KCNK12: variants seen among roughly 807,000 people sequenced by gnomAD.
The protein encoded by KCNK12 is potassium two pore domain channel subfamily K member 12.
Under a neutral mutation model 25.3 loss-of-function variants are expected in KCNK12, and 6 were observed. The observed-to-expected ratio is 0.24, with a 90% confidence interval of 0.13 to 0.47. The LOEUF is 0.47. KCNK12 is among the 20% of genes least tolerant of loss of function. The pLI is 0.99. For synonymous variants in KCNK12, 331 were observed against 311.1 expected, an observed-to-expected ratio of 1.06 and a Z score of -0.67; for missense variants, 444 against 661.7, an observed-to-expected ratio of 0.67 and a Z score of 3.61.
Position 47,534,784 on chromosome 2 carries a change from C to T in KCNK12, c.392-12976G>A, listed in dbSNP as rs539493796. ...CCTCTCAGAAGGGAGACAGACCAGC[C>T]AGGCGTGAGGTGACAGACCAGCGGG... is the stretch of plus-strand genomic sequence containing the variant. On this transcript the variant is annotated intron_variant, in intron 1 of 1. Coordinates refer to ENST00000327876, the MANE Select transcript of KCNK12 (RefSeq NM_022055.2). 299 of 178,466 alleles carry T rather than the reference C, an allele frequency of 1.7e-3. No individual in the cohort carries two copies. In the Middle Eastern group the frequency reaches 0.031, roughly 19 times the overall value. The allele number at this position is 178,466 out of a possible 1,614,324, so 11.1% of individuals were successfully genotyped here.
intron 1 of KCNK12, chr2:47,535,231 C>T: frequency 4.3e-6 from 1 of 233,128 alleles, no homozygotes; most frequent in Non-Finnish European, 8.5e-6. Context: ...CAGCTGCAGC[C>T]AGGGAGGTGC....
At position 47,519,970 on chromosome 2, in the gene KCNK12, T is replaced by G. The variant is rs1396795429; in HGVS notation, c.*937A>C. Reference sequence around the variant, plus strand: ...TCTCTTAAAGGGGGAAAAGTTGAACTGATCAACAGTAGTTAAGAAAAAAAA... The same window carrying G: ...TCTCTTAAAGGGGGAAAAGTTGAACGGATCAACAGTAGTTAAGAAAAAAAA... On this transcript the variant is annotated 3_prime_UTR_variant, in exon 2 of 2. Transcript: ENST00000327876. The G allele has an allele frequency of 6.6e-6, 1 of 152,128 alleles. No homozygotes were observed. Among genetic ancestry groups the G allele is most frequent in the Non-Finnish European group, 1.5e-5 (1 of 68,018 alleles). The allele number at this position is 152,128 out of a possible 1,614,324, so 9.4% of individuals were successfully genotyped here. A position where few individuals can be genotyped will look rare whatever the true frequency, so the allele number is the denominator to read the frequency against.
rs1470895150 is a variant in KCNK12, at chr2:47,517,479, T to C, written c.*3428A>G. The C allele has an allele frequency of 6.6e-6, 1 of 152,166 alleles. No homozygotes were observed. Among genetic ancestry groups the C allele is most frequent in the Non-Finnish European group, 1.5e-5 (1 of 68,038 alleles). 9.4% of individuals were successfully genotyped at this position (152,166 alleles called of 1,614,324 possible). A position where few individuals can be genotyped will look rare whatever the true frequency, so the allele number is the denominator to read the frequency against. Reference sequence around the variant, plus strand: ...GATTTTCCAGGCCCTGGTACATCTCTAGAGAGTTAAAAATGGGAAATCTTT... The same window carrying C: ...GATTTTCCAGGCCCTGGTACATCTCCAGAGAGTTAAAAATGGGAAATCTTT... On this transcript the variant is annotated 3_prime_UTR_variant, in exon 2 of 2. Coordinates refer to ENST00000327876, the MANE Select transcript of KCNK12 (RefSeq NM_022055.2). The surrounding 1 kb of genome is among the most constrained non-coding windows in gnomAD (Gnocchi z 4.1).
Position 47,547,346 on chromosome 2 carries a change from C to T in KCNK12, c.391+22595G>A, listed in dbSNP as rs1443315913. Among the ~76,000 whole-genome samples, 1 of 152,202 alleles carries T rather than the reference C, an allele frequency of 6.6e-6. No homozygotes were observed. Among genetic ancestry groups the T allele is most frequent in the Non-Finnish European group, 1.5e-5 (1 of 68,028 alleles). Reference sequence around the variant, plus strand: ...GCCCCCACTTCCAGAGAGAATGATACAGTTGGTTAGGGCACAACCTGGGCA... The same window carrying T: ...GCCCCCACTTCCAGAGAGAATGATATAGTTGGTTAGGGCACAACCTGGGCA... On this transcript the variant is annotated intron_variant, in intron 1 of 1. Coordinates refer to ENST00000327876, the MANE Select transcript of KCNK12 (RefSeq NM_022055.2). This position sits in a 1 kb window ranked among gnomAD's most constrained non-coding sequence, Gnocchi z 5.0.
In KCNK12 at chr2:47,529,501, G is replaced by T. The variant is rs1281496060; in HGVS notation, c.392-7693C>A. 2.0e-5 allele frequency among the ~76,000 whole-genome samples: 3 copies of T among 152,148 alleles called. No individual in the cohort carries two copies. ...AAATTTCCATTGACCTAAAATTTTT[G>T]TGGTGGGCACTGCAGCTCTCTCCTT... On this transcript the variant is annotated intron_variant, in intron 1 of 1. Coordinates refer to ENST00000327876, the MANE Select transcript of KCNK12 (RefSeq NM_022055.2). This position sits in a 1 kb window ranked among gnomAD's most constrained non-coding sequence, Gnocchi z 4.3.
At chr2:47,532,404 C>G (rs1558552009) in intron 1 of KCNK12, among the ~76,000 whole-genome samples, 1 of 152,026 alleles carries the variant, frequency 6.6e-6, no homozygotes, top group Non-Finnish European at 1.5e-5. Context: ...CTCTGTCACC[C>G]AGGCTGGAGT....
chr2:47,538,313 T>C lies in KCNK12; in HGVS notation c.392-16505A>G, dbSNP rs1488089192. Among the ~76,000 whole-genome samples the C allele has an allele frequency of 6.6e-6, 1 of 150,782 alleles. No homozygotes were observed. The highest frequency in any genetic ancestry group is 2.4e-5 in the African/African-American group (1 of 40,910). On this transcript the variant is annotated intron_variant, in intron 1 of 1. Coordinates refer to ENST00000327876, the MANE Select transcript of KCNK12 (RefSeq NM_022055.2). This position sits in a 1 kb window ranked among gnomAD's most constrained non-coding sequence, Gnocchi z 4.5. Reference sequence around the variant, plus strand: ...TAGAGCAGGCTAAGAGGGTGAGGAGTGTGCGGGCAGGGAGGAGGCAGGTCA... The same window carrying C: ...TAGAGCAGGCTAAGAGGGTGAGGAGCGTGCGGGCAGGGAGGAGGCAGGTCA...
At chr2:47,546,735 C>G (rs1302462716) in intron 1 of KCNK12, among the ~76,000 whole-genome samples, 4 of 152,140 alleles carry the variant, frequency 2.6e-5, no homozygotes, top group Non-Finnish European at 5.9e-5. Context: ...CTCTTAAGAT[C>G]CTATTTAAAT....
Position 47,520,279 on chromosome 2 carries a change from C to A in KCNK12, c.*628G>T, listed in dbSNP as rs974593521. 1 of 152,324 alleles carries A rather than the reference C, an allele frequency of 6.6e-6. No homozygotes were observed. Among genetic ancestry groups the A allele is most frequent in the Non-Finnish European group, 1.5e-5 (1 of 68,150 alleles). 9.4% of individuals were successfully genotyped at this position (152,324 alleles called of 1,614,324 possible). ...TGAGCTGAGAAAGGCCAGCTAAGCC[C>A]CTCACCACTGCAATTTCCAAATCTG... On this transcript the variant is annotated 3_prime_UTR_variant, in exon 2 of 2. Coordinates refer to ENST00000327876, the MANE Select transcript of KCNK12 (RefSeq NM_022055.2). The surrounding 1 kb of genome is among the most constrained non-coding windows in gnomAD (Gnocchi z 5.0).
intron 1 of KCNK12, among the ~76,000 whole-genome samples, chr2:47,532,001 C>T (rs1319342518): frequency 2.0e-5 from 3 of 150,936 alleles, no homozygotes; most frequent in Admixed American, 2.0e-4. Flanking sequence ...GAGCTGAGAT[C>T]ATGTCACTGC....
chr2:47,530,147 G>A (rs991278048), intron 1 of KCNK12, among the ~76,000 whole-genome samples: 2 of 152,142 alleles, frequency 1.3e-5, no homozygotes, highest in Non-Finnish European at 2.9e-5. Context: ...CCAGGCCAGC[G>A]GCCAGGCCTC....
At chr2:47,523,790 A>G (rs778002376) in intron 1 of KCNK12, among the ~76,000 whole-genome samples, 51 of 152,354 alleles carry the variant, frequency 3.3e-4, no homozygotes, top group Admixed American at 5.9e-4. Flanking sequence ...GATACTGTTC[A>G]GCAAGTCTGG....
rs145801351 is a variant in KCNK12 at position 47,565,596 on chromosome 2, G to T, written c.391+4345C>A. 3.9e-5 allele frequency: 6 copies of T among 152,318 alleles called. No individual in the cohort carries two copies. The highest frequency in any genetic ancestry group is 1.4e-4 in the African/African-American group (6 of 41,578). The allele number at this position is 152,318 out of a possible 1,614,324, so 9.4% of individuals were successfully genotyped here. A position where few individuals can be genotyped will look rare whatever the true frequency, so the allele number is the denominator to read the frequency against. ...AAAATATTTCTGTTTATATCAAGCT[G>T]CCATTTGAGAAAGATTTTAAAATAT... On this transcript the variant is annotated intron_variant, in intron 1 of 1. Transcript: ENST00000327876. This position sits in a 1 kb window ranked among gnomAD's most constrained non-coding sequence, Gnocchi z 5.0.
rs1669343028 is a variant in KCNK12, at chr2:47,547,708, C to T, written c.391+22233G>A. On this transcript the variant is annotated intron_variant, in intron 1 of 1. Coordinates refer to ENST00000327876, the MANE Select transcript of KCNK12 (RefSeq NM_022055.2). The surrounding 1 kb of genome is among the most constrained non-coding windows in gnomAD (Gnocchi z 5.0). ...TGCCTCCCTGTTTCAAGCGAGTCTC[C>T]TGCCTCAGCCTCCCAAATAGCTGGG... 6.6e-6 allele frequency among the ~76,000 whole-genome samples: 1 copy of T among 152,202 alleles called. No homozygotes were observed. The highest frequency in any genetic ancestry group is 1.5e-5 in the Non-Finnish European group (1 of 68,040).
chr2:47,512,595 A>G lies in KCNK12; in HGVS notation c.*8312T>C. On this transcript the variant is annotated 3_prime_UTR_variant, in exon 2 of 2. Coordinates refer to ENST00000327876, the MANE Select transcript of KCNK12 (RefSeq NM_022055.2). ...TGCCCAGATTCCAGGACTTACAGTG[A>G]GAAAGCGCCTTCTGGGAACTTCACA... The G allele has an allele frequency of 1.3e-6, 1 of 777,542 alleles. No homozygotes were observed. Among genetic ancestry groups the G allele is most frequent in the South Asian group, 1.9e-5 (1 of 52,038 alleles). 48.2% of individuals were successfully genotyped at this position (777,542 alleles called of 1,614,324 possible).
chr2:47,536,880 G>A (rs1378423773), intron 1 of KCNK12, among the ~76,000 whole-genome samples: 2 of 152,246 alleles, frequency 1.3e-5, no homozygotes, highest in Non-Finnish European at 2.9e-5. Flanking sequence ...GCCAAGCTGT[G>A]ATTGGCCAAG....
chr2:47,527,172 A>AAACCAAAT (rs1414412645), intron 1 of KCNK12, among the ~76,000 whole-genome samples: 2 of 152,182 alleles, frequency 1.3e-5, no homozygotes, highest in East Asian at 3.8e-4. Context: ...TTTTCTTAAG[A>AAACCAAAT]AACCAAATTG....
Position 47,517,816 on chromosome 2 carries a change from A to G in KCNK12, c.*3091T>C, listed in dbSNP as rs1322612722. 4 of 152,184 alleles carry G rather than the reference A, an allele frequency of 2.6e-5. No homozygotes were observed. Among genetic ancestry groups the G allele is most frequent in the Admixed American group, 6.5e-5 (1 of 15,280 alleles). The allele number at this position is 152,184 out of a possible 1,614,324, so 9.4% of individuals were successfully genotyped here. ...CTCAGCTCTGAGAAGGCTGCTAGCC[A>G]AGACTCTGGATTCTCTGTGGCCACA... On this transcript the variant is annotated 3_prime_UTR_variant, in exon 2 of 2. Coordinates refer to ENST00000327876, the MANE Select transcript of KCNK12 (RefSeq NM_022055.2). The surrounding 1 kb of genome is among the most constrained non-coding windows in gnomAD (Gnocchi z 4.1).
chr2:47,541,470 A>G (rs1372778966), intron 1 of KCNK12, among the ~76,000 whole-genome samples: 1 of 151,946 alleles, frequency 6.6e-6, no homozygotes, highest in African/African-American at 2.4e-5. Context: ...CCCTCTAGGA[A>G]TGTTCTGATG....
Sources: allele counts gnomAD v4.1 joint callset (sites outside exome capture counted in the v4.1 genomes callset), GRCh38; gene constraint gnomAD v4.1.1; non-coding constraint Gnocchi (gnomAD v3.1); transcripts MANE v1.5; gene names NCBI Gene and HGNC (gene_info 2026-07-23, HGNC 2026-07-21).